The following DNAH3 variants were observed in gnomAD, a reference collection of about 807,000 sequenced individuals.
DNAH3 encodes axonemal beta dynein heavy chain 3.
DNAH3 carries 332 observed loss-of-function variants against 432.5 expected under a neutral mutation model. The ratio of observed to expected loss-of-function variants is 0.77; its 90% CI spans 0.70 to 0.84. DNAH3 has a LOEUF of 0.84. Among genes scored for constraint, DNAH3 ranks in the 40% least tolerant of loss-of-function variants. DNAH3 has a pLI of 0.00. For missense variants in DNAH3, 4,861 were observed against 5,114.0 expected (o/e 0.95, Z 1.51); for synonymous variants, 1,956 against 1,900.2 (o/e 1.03, Z -0.76).
chr16:20,951,522 G>A (rs769297906), intron 56 of DNAH3, among the ~76,000 whole-genome samples: 2 of 149,306 alleles, frequency 1.3e-5, no homozygotes, highest in Non-Finnish European at 3.0e-5. Flanking sequence ...AGAGCTCACC[G>A]CACCTCCACA....
Position 21,150,451 on chromosome 16 carries a change from A to C in DNAH3, c.118-4363T>G, listed in dbSNP as rs1018344929. On this transcript the variant is annotated intron_variant, in intron 1 of 61. It adds an upstream start codon to the 5' untranslated region. Coordinates refer to ENST00000261383, the Ensembl canonical transcript of DNAH3. ...ATAGCATAATGGGGATGACACCAAC[A>C]ATGGAACTTTCCAGATGTTCTGAAA... 5.2e-6 allele frequency: 2 copies of C among 381,770 alleles called. No individual in the cohort carries two copies. Among genetic ancestry groups the C allele is most frequent in the African/African-American group, 4.3e-5 (2 of 47,030 alleles). The allele number at this position is 381,770 out of a possible 1,614,324, so 23.6% of individuals were successfully genotyped here. A position where few individuals can be genotyped will look rare whatever the true frequency, so the allele number is the denominator to read the frequency against.
intron 57 of DNAH3, among the ~76,000 whole-genome samples, chr16:20,945,837 G>A (rs1364370922): frequency 6.6e-6 from 1 of 151,884 alleles, no homozygotes; most frequent in Non-Finnish European, 1.5e-5. Context: ...CTATAGACTC[G>A]CCCCGAATTC....
At chr16:20,935,404 G>C (rs529709677) in exon 61 of DNAH3, 3 of 1,613,610 alleles carry the variant, frequency 1.9e-6, no homozygotes, top group Non-Finnish European at 2.5e-6. Context: ...GCATAATTTT[G>C]AGAGACGCCA....
chr16:20,965,630 AG>A (rs1296278856), intron 52 of DNAH3, among the ~76,000 whole-genome samples: 1 of 152,178 alleles, frequency 6.6e-6, no homozygotes, highest in African/African-American at 2.4e-5. Flanking sequence ...CATGACCCCA[AG>A]TGCTTCTTAC....
intron 32 of DNAH3, among the ~76,000 whole-genome samples, chr16:21,041,281 G>A (rs1295942444): frequency 1.3e-5 from 2 of 152,150 alleles, no homozygotes; most frequent in Non-Finnish European, 2.9e-5. Flanking sequence ...TGAGGCAGGA[G>A]AATCACTTGA....
chr16:20,947,974 C>T (rs893307085), intron 57 of DNAH3, among the ~76,000 whole-genome samples: 8 of 152,100 alleles, frequency 5.3e-5, no homozygotes, highest in African/African-American at 1.7e-4. Flanking sequence ...TGGGGTTTCA[C>T]CATGTTGGTC....
chr16:21,074,881 A>G (rs2090920096), intron 21 of DNAH3, among the ~76,000 whole-genome samples: 1 of 152,168 alleles, frequency 6.6e-6, no homozygotes, highest in South Asian at 2.1e-4. Context: ...TTGGGTGTGT[A>G]GCACCTTCGC....
chr16:21,023,819 G>GTGTGTGTGTGTGTGT, intron 39 of DNAH3, among the ~76,000 whole-genome samples: 1 of 151,582 alleles, frequency 6.6e-6, no homozygotes, highest in African/African-American at 2.4e-5. Context: ...GTGTGTGTGT[G>GTGTGTGTGTGTGTGT]GACTGGCGCT....
intron 12 of DNAH3, among the ~76,000 whole-genome samples, chr16:21,113,722 G>T (rs1442591533): frequency 6.6e-6 from 1 of 152,208 alleles, no homozygotes; most frequent in Non-Finnish European, 1.5e-5. Flanking sequence ...GCCTCCCAAA[G>T]TGCTAGGATT....
chr16:21,152,960 C>T (rs2092871751), intron 1 of DNAH3, among the ~76,000 whole-genome samples: 1 of 152,222 alleles, frequency 6.6e-6, no homozygotes, highest in Non-Finnish European at 1.5e-5. Context: ...TCCCACCGAC[C>T]ACCCAAGGGC....
At chr16:21,053,707 A>G (rs2090035945) in intron 28 of DNAH3, among the ~76,000 whole-genome samples, 1 of 152,090 alleles carries the variant, frequency 6.6e-6, no homozygotes, top group Admixed American at 6.6e-5. Context: ...GCCAGGAGGG[A>G]GCTGGGAGTG....
chr16:21,008,250 CTGATA>C (rs2087415000), intron 41 of DNAH3, among the ~76,000 whole-genome samples: 1 of 152,136 alleles, frequency 6.6e-6, no homozygotes. Context: ...CCATTCTGCT[CTGATA>C]TAATTGGGTA....
intron 1 of DNAH3, among the ~76,000 whole-genome samples, chr16:21,155,586 C>A (rs1296687527): frequency 4.5e-5 from 6 of 134,210 alleles, no homozygotes; most frequent in Non-Finnish European, 9.1e-5. Context: ...AGCGCCACTG[C>A]ACTCCAGCCT....
intron 7 of DNAH3, chr16:21,129,445 T>G (rs1376811704): frequency 6.6e-6 from 1 of 150,902 alleles, no homozygotes; most frequent in Admixed American, 6.7e-5. Context: ...AAATGCACCC[T>G]GGGGCTGGGT....
intron 38 of DNAH3, among the ~76,000 whole-genome samples, chr16:21,025,010 C>T (rs1380158531): frequency 3.9e-5 from 6 of 152,060 alleles, no homozygotes; most frequent in East Asian, 3.8e-4. Context: ...CTGCAACCTC[C>T]GCCTCCCTGG....
At chr16:20,940,458 T>C (rs1182615593) in intron 59 of DNAH3, among the ~76,000 whole-genome samples, 1 of 152,010 alleles carries the variant, frequency 6.6e-6, no homozygotes, top group African/African-American at 2.4e-5. Flanking sequence ...ATAGGGTCTT[T>C]CTCTGTCACC....
intron 45 of DNAH3, 24 bp from the exon 46 acceptor site, chr16:20,987,873 G>A (rs1431852510): frequency 1.9e-6 from 3 of 1,614,106 alleles, no homozygotes; most frequent in Admixed American, 1.7e-5. Flanking sequence ...GGATGGCACA[G>A]TAGTCAAGGA....
At chr16:20,980,344 ATATT>A (rs2085838228) in intron 49 of DNAH3, among the ~76,000 whole-genome samples, 2 of 111,252 alleles carry the variant, frequency 1.8e-5, no homozygotes, top group African/African-American at 2.9e-5. Context: ...ATATTTTATT[ATATT>A]TATTTATATA....
chr16:20,969,990 T>C (rs2085262390), exon 52 of DNAH3: 3 of 1,613,532 alleles, frequency 1.9e-6, no homozygotes, highest in Admixed American at 1.7e-5. Context: ...TCACATTCGT[T>C]CTGTGGGCGG....
Sources: gnomAD v4.1 joint callset for allele counts (sites outside exome capture counted in the v4.1 genomes callset) on GRCh38, gnomAD v4.1.1 for gene constraint, MANE v1.5 for transcripts, NCBI Gene and HGNC (gene_info 2026-07-23, HGNC 2026-07-21) for gene names.